Variants in EIPR1 observed in about 807,000 individuals in gnomAD.
The protein encoded by EIPR1 is EARP complex and GARP complex interacting protein 1.
Under a neutral mutation model 48.1 loss-of-function variants are expected in EIPR1, and 25 were observed. The observed-to-expected ratio is 0.52, with a 90% confidence interval of 0.38 to 0.73. EIPR1 has a LOEUF of 0.73. Ranked by LOEUF, EIPR1 falls within the 30% of genes least tolerant of loss-of-function variation. The pLI is 0.00. For missense variants in EIPR1, 415 were observed against 506.2 expected, an observed-to-expected ratio of 0.82 and a Z score of 1.73; for synonymous variants, 204 against 201.9, an observed-to-expected ratio of 1.01 and a Z score of -0.09.
intron 4 of EIPR1, among the ~76,000 whole-genome samples, chr2:3,253,332 C>T (rs1213466527): frequency 2.0e-5 from 3 of 152,170 alleles, no homozygotes; most frequent in Admixed American, 1.3e-4. Context: ...CTCCCTAAAA[C>T]GTATAAAACC....
chr2:3,335,787 G>A (rs1428891026), intron 3 of EIPR1, among the ~76,000 whole-genome samples: 4 of 152,114 alleles, frequency 2.6e-5, no homozygotes, highest in Non-Finnish European at 5.9e-5. Context: ...CTGCTGCCTT[G>A]TGAAGAAGGC....
At chr2:3,190,270 C>A (rs1664559209) in intron 8 of EIPR1, among the ~76,000 whole-genome samples, 1 of 152,232 alleles carries the variant, frequency 6.6e-6, no homozygotes, top group South Asian at 2.1e-4. Context: ...GCTTCTCTGG[C>A]ACTTTACTTC....
intron 4 of EIPR1, among the ~76,000 whole-genome samples, chr2:3,222,121 A>C (rs1572320881): frequency 6.6e-6 from 1 of 152,240 alleles, no homozygotes; most frequent in South Asian, 2.1e-4. Context: ...AGCATCCTGC[A>C]CTTAAGAGCA....
chr2:3,191,724 C>T (rs1303431074), intron 8 of EIPR1, among the ~76,000 whole-genome samples: 6 of 152,216 alleles, frequency 3.9e-5, no homozygotes, highest in Non-Finnish European at 7.3e-5. Flanking sequence ...CTCAAGGACA[C>T]AGGGGCCCTG....
chr2:3,318,726 A>ACACGGCT, intron 3 of EIPR1: 1 of 397,212 alleles, frequency 2.5e-6, no homozygotes, highest in South Asian at 1.9e-5. Flanking sequence ...CCCGGCAATC[A>ACACGGCT]GAGTTCTCCT....
rs576316714 is a variant in EIPR1 at position 3,352,071 on chromosome 2, C to A, written c.126+2479G>T. ...CAGCATATCCATGCTACAGAAGCGA[C>A]CTGCCCCTGAGCCACCCACACTGTC... On this transcript the variant is annotated intron_variant, in intron 2 of 8. Coordinates refer to ENST00000382125, the MANE Select transcript of EIPR1 (RefSeq NM_003310.5). Among the ~76,000 whole-genome samples, 9 of 141,154 alleles carry A rather than the reference C, an allele frequency of 6.4e-5. No homozygotes were observed. The East Asian group carries it at 1.9e-3, about 30-fold the overall frequency. The allele number at this position is 141,154 out of a possible 152,430, so 92.6% of individuals were successfully genotyped here.
intron 4 of EIPR1, among the ~76,000 whole-genome samples, chr2:3,226,757 G>C (rs555361347): frequency 6.6e-6 from 1 of 152,296 alleles, no homozygotes; most frequent in East Asian, 1.9e-4. Flanking sequence ...CCCAGTGTTG[G>C]AGGAGGGGCC....
chr2:3,246,725 G>A (rs1045682873), intron 4 of EIPR1, among the ~76,000 whole-genome samples: 9 of 150,778 alleles, frequency 6.0e-5, no homozygotes, highest in African/African-American at 1.5e-4. Context: ...CCTCCCTGCC[G>A]GGGTGGTAGC....
intron 1 of EIPR1, among the ~76,000 whole-genome samples, chr2:3,355,031 T>C (rs1384135646): frequency 1.3e-5 from 2 of 152,234 alleles, no homozygotes; most frequent in East Asian, 3.8e-4. Context: ...CCAACTCTTC[T>C]GCAGATAACA....
At chr2:3,306,176 C>T (rs10182368) in intron 3 of EIPR1, among the ~76,000 whole-genome samples, 48,474 of 152,150 alleles carry the variant, frequency 0.32, 7,850 homozygotes, top group Non-Finnish European at 0.35. Flanking sequence ...GTCATGCTAG[C>T]GGTGGCCTGG....
rs540928207 is a variant in EIPR1, at chr2:3,299,220, C to T, written c.259+38797G>A. Among the ~76,000 whole-genome samples, 41 of 152,352 alleles carry T rather than the reference C, an allele frequency of 2.7e-4. 2 individuals carry two copies. In the South Asian group the frequency reaches 7.4e-3, roughly 28 times the overall value. ...GTCTGTCTCTCCACAGGGCCTCCCG[C>T]GTGAGCCTCCATGGACTGCCCCCTG... On this transcript the variant is annotated intron_variant, in intron 3 of 8. Coordinates refer to ENST00000382125, the MANE Select transcript of EIPR1 (RefSeq NM_003310.5).
intron 2 of EIPR1, 26 bp downstream of exon 2, chr2:3,354,524 T>C (rs12612251): frequency 0.064 from 102,269 of 1,598,742 alleles, 3,554 homozygotes; most frequent in East Asian, 0.076. Flanking sequence ...GTAATTATCA[T>C]GTATACATTT....
chr2:3,214,320 A>AT (rs1394732377), intron 4 of EIPR1, 72 bp from the exon 5 acceptor site: 7 of 1,381,472 alleles, frequency 5.1e-6, no homozygotes, highest in Non-Finnish European at 7.1e-6. Flanking sequence ...AAGAGCTGTG[A>AT]TACATGTTCT....
chr2:3,365,532 A>G (rs1177664117), intron 1 of EIPR1, among the ~76,000 whole-genome samples: 2 of 148,488 alleles, frequency 1.3e-5, no homozygotes, highest in Non-Finnish European at 3.0e-5. Context: ...TGTTTCTCGC[A>G]GAGGGGGATT....
At chr2:3,217,671 C>G (rs1323698522) in intron 4 of EIPR1, among the ~76,000 whole-genome samples, 14 of 152,096 alleles carry the variant, frequency 9.2e-5, no homozygotes, top group Admixed American at 9.2e-4. Flanking sequence ...GCAATGGGCT[C>G]CACAGAGAGA....
intron 3 of EIPR1, among the ~76,000 whole-genome samples, chr2:3,304,842 T>TCCAGTTCAGCCCTCCAGTCCCGC (rs1668874212): frequency 9.8e-6 from 1 of 101,864 alleles, no homozygotes; most frequent in Non-Finnish European, 2.1e-5. Context: ...TCCAGTCCCG[T>TCCAGTTCAGCCCTCCAGTCCCGC]CCAGTTCAGC....
intron 5 of EIPR1, among the ~76,000 whole-genome samples, chr2:3,207,345 A>C (rs1440070865): frequency 6.6e-6 from 1 of 152,222 alleles, no homozygotes; most frequent in Non-Finnish European, 1.5e-5. Context: ...CTGCTGCCCC[A>C]GCTGCAGGAG....
At chr2:3,375,124 G>A (rs1196704685) in intron 1 of EIPR1, among the ~76,000 whole-genome samples, 2 of 151,066 alleles carry the variant, frequency 1.3e-5, no homozygotes, top group African/African-American at 4.9e-5. Context: ...GTAAACTGTC[G>A]CAAGGACAAA....
chr2:3,350,033 G>A (rs142050013), intron 2 of EIPR1, among the ~76,000 whole-genome samples: 4,928 of 141,226 alleles, frequency 0.035, 128 homozygotes, highest in South Asian at 0.098. Flanking sequence ...CAGGAGAATC[G>A]CTTGAACCTG....
Sources: gnomAD v4.1 joint callset for allele counts (sites outside exome capture counted in the v4.1 genomes callset) on GRCh38, gnomAD v4.1.1 for gene constraint, MANE v1.5 for transcripts, NCBI Gene and HGNC (gene_info 2026-07-23, HGNC 2026-07-21) for gene names.